Variants in THEMIS2 observed in about 807,000 individuals in gnomAD.
THEMIS2 encodes protein THEMIS2.
In THEMIS2, 29 loss-of-function variants were observed where a neutral mutation model predicts 46.8. The ratio of observed to expected loss-of-function variants is 0.62; its 90% CI spans 0.46 to 0.84. The LOEUF is 0.84. THEMIS2 is among the 40% of genes least tolerant of loss of function. The pLI, the probability that THEMIS2 is intolerant of heterozygous loss-of-function variation, is 0.00. For missense variants in THEMIS2, 698 were observed against 834.7 expected, an observed-to-expected ratio of 0.84 and a Z score of 2.02; for synonymous variants, 335 against 349.1, an observed-to-expected ratio of 0.96 and a Z score of 0.45.
intron 2 of THEMIS2, among the ~76,000 whole-genome samples, chr1:27,879,067 A>G (rs1396962509): frequency 6.7e-6 from 1 of 149,840 alleles, no homozygotes; most frequent in Non-Finnish European, 1.5e-5. Flanking sequence ...AAGCGGTATC[A>G]TGTCTGGAAG....
intron 5 of THEMIS2, among the ~76,000 whole-genome samples, 186 bp from the exon 6 acceptor site, chr1:27,885,681 T>C (rs529216604): frequency 2.3e-4 from 35 of 152,232 alleles, no homozygotes; most frequent in African/African-American, 5.3e-4. Flanking sequence ...CTACCCTCCC[T>C]GCAGCATACA....
At chr1:27,877,471 G>A (rs1430431104) in intron 2 of THEMIS2, among the ~76,000 whole-genome samples, 5 of 151,918 alleles carry the variant, frequency 3.3e-5, no homozygotes, top group Admixed American at 1.3e-4. Flanking sequence ...GACTACAGGC[G>A]CCCGCCACCA....
Position 27,882,004 on chromosome 1 carries a change from T to C in THEMIS2, c.680T>C (p.Leu227Pro). 6.2e-7 allele frequency: 1 copy of C among 1,614,066 alleles called. No individual in the cohort carries two copies. The highest frequency in any genetic ancestry group is 8.5e-7 in the Non-Finnish European group (1 of 1,179,974). Residue 227 changes from leucine (L) to proline (P), a missense_variant, in exon 4 of 6, where the codon CTG (leucine) becomes CCG (proline). Coordinates refer to ENST00000373921, the MANE Select transcript of THEMIS2 (RefSeq NM_001105556.3). The surrounding 1 kb of genome is among the most constrained non-coding windows in gnomAD (Gnocchi z 7.6). ...RRTIVKIPST[L>P]EVDVEDVTAS... ...ACCATTGTCAAGATCCCTTCTACCC[T>C]GGAGGTCGACGTGGAGGACGTCACC...
At chr1:27,875,850 G>A (rs1036302459) in intron 1 of THEMIS2, among the ~76,000 whole-genome samples, 25 of 152,030 alleles carry the variant, frequency 1.6e-4, no homozygotes, top group South Asian at 1.2e-3. Flanking sequence ...ACAGGTGCCC[G>A]CCACCATGCC....
chr1:27,882,595 T>C lies in THEMIS2; in HGVS notation c.1271T>C (p.Phe424Ser), dbSNP rs951313184. Residue 424 changes from phenylalanine to serine, a missense_variant, in exon 4 of 6, where the codon TTC becomes TCC. Coordinates refer to ENST00000373921, the MANE Select transcript of THEMIS2 (RefSeq NM_001105556.3). The surrounding 1 kb of genome is among the most constrained non-coding windows in gnomAD (Gnocchi z 7.6). Reference sequence around the variant, plus strand: ...AGCCCAGAGCGGGTCCTGCTGCCCTTCCACTTCCCTGGCAGTTTCGTGGAG... The same window carrying C: ...AGCCCAGAGCGGGTCCTGCTGCCCTCCCACTTCCCTGGCAGTTTCGTGGAG... Reference protein sequence around the residue: ...AESPERVLLPFHFPGSFVEEM... With the variant: ...AESPERVLLPSHFPGSFVEEM... 1.2e-6 allele frequency: 2 copies of C among 1,614,100 alleles called. No homozygotes were observed. Among genetic ancestry groups the C allele is most frequent in the Admixed American group, 3.3e-5 (2 of 60,016 alleles).
intron 3 of THEMIS2, among the ~76,000 whole-genome samples, chr1:27,881,232 C>T (rs1002545724): frequency 3.3e-5 from 5 of 151,614 alleles, no homozygotes; most frequent in African/African-American, 7.3e-5. Context: ...AGGTGGATCA[C>T]GAGGTCAGGA....
intron 4 of THEMIS2, chr1:27,883,890 A>T (rs967743805): frequency 1.1e-4 from 17 of 152,262 alleles, no homozygotes; most frequent in African/African-American, 2.7e-4. Context: ...TACCTGCTCC[A>T]AGGCCAGAGA....
intron 1 of THEMIS2, among the ~76,000 whole-genome samples, chr1:27,873,941 G>A (rs2089532355): frequency 6.6e-6 from 1 of 152,036 alleles, no homozygotes; most frequent in African/African-American, 2.4e-5. Context: ...ATGCCAATAG[G>A]GGCAGGCGTC....
intron 1 of THEMIS2, among the ~76,000 whole-genome samples, chr1:27,873,259 G>A (rs903058556): frequency 3.3e-5 from 5 of 152,286 alleles, no homozygotes; most frequent in African/African-American, 1.2e-4. Context: ...CAGCGGCCTG[G>A]TTCACAGGGA....
chr1:27,876,536 GC>G, intron 1 of THEMIS2, 51 bp from the exon 2 acceptor site: 2 of 1,594,560 alleles, frequency 1.3e-6, no homozygotes, highest in South Asian at 1.1e-5. Flanking sequence ...GGCACAGGCT[GC>G]CCAGCACTTG....
chr1:27,878,593 A>G (rs576369025), intron 2 of THEMIS2, among the ~76,000 whole-genome samples: 4 of 104,752 alleles, frequency 3.8e-5, no homozygotes, highest in East Asian at 2.9e-4. Context: ...GTATTACTAT[A>G]TGTGTATATA....
chr1:27,880,134 C>A, intron 3 of THEMIS2, 80 bp downstream of exon 3: 1 of 1,424,598 alleles, frequency 7.0e-7, no homozygotes, highest in South Asian at 1.4e-5. Flanking sequence ...TGATGGAAGA[C>A]ACCCCCACCC....
At chr1:27,873,105 T>A (rs1483492342) in intron 1 of THEMIS2, among the ~76,000 whole-genome samples, 1 of 152,138 alleles carries the variant, frequency 6.6e-6, no homozygotes, top group Non-Finnish European at 1.5e-5. Flanking sequence ...CTTCAGTCCC[T>A]GCGTCCACCT....
In THEMIS2 at chr1:27,886,209, AC is replaced by A; in HGVS notation, c.*291del. ...TGGCAGGGTTCCTCTCAATCCTGCA[AC>A]CCCAGCTGTCCCACCGGTGGATGCA... On this transcript the variant is annotated 3_prime_UTR_variant, in exon 6 of 6. Transcript: ENST00000373921. 1.4e-5 allele frequency: 6 copies of A among 438,488 alleles called. No individual in the cohort carries two copies. The Middle Eastern group carries it at 1.9e-3, about 136-fold the overall frequency. The allele number at this position is 438,488 out of a possible 1,614,324, so 27.2% of individuals were successfully genotyped here.
Position 27,876,351 on chromosome 1 carries a change from A to C in THEMIS2, c.95-237A>C, listed in dbSNP as rs576499730. Among the ~76,000 whole-genome samples the C allele has an allele frequency of 3.1e-3, 472 of 152,090 alleles. 5 individuals are homozygous for C. The highest frequency in any genetic ancestry group is 0.011 in the African/African-American group (445 of 41,476). Reference sequence around the variant, plus strand: ...TGAACTCAGTGGAGGAGGCACGGGGATGTGAAAAAGGCCAGAGAAGTGTGC... The same window carrying C: ...TGAACTCAGTGGAGGAGGCACGGGGCTGTGAAAAAGGCCAGAGAAGTGTGC... On this transcript the variant is annotated intron_variant, in intron 1 of 5. Transcript: ENST00000373921.
chr1:27,873,090 C>T (rs1197868167), intron 1 of THEMIS2, among the ~76,000 whole-genome samples: 1 of 152,268 alleles, frequency 6.6e-6, no homozygotes, highest in African/African-American at 2.4e-5. Context: ...CTCTACACTG[C>T]CTTCCTTCAG....
rs767143904 is a variant in THEMIS2 at position 27,882,925 on chromosome 1, C to T, written c.1601C>T (p.Thr534Ile). Residue 534 changes from threonine (T) to isoleucine (I), a missense_variant, in exon 4 of 6, where the codon ACC becomes ATC. By Grantham distance (89) the Thr-to-Ile change is moderately conservative. Coordinates refer to ENST00000373921, the MANE Select transcript of THEMIS2 (RefSeq NM_001105556.3). This position sits in a 1 kb window ranked among gnomAD's most constrained non-coding sequence, Gnocchi z 7.6. ...GCCACAGTGGAGGAGCTGACAGACA[C>T]CTTCTATTATCGTCTTCGGAAGTTA... ...PIATVEELTD[T>I]FYYRLRKLPA... is the part of the protein sequence containing the mutation. The T allele has an allele frequency of 1.9e-6, 3 of 1,613,796 alleles. No homozygotes were observed. The highest frequency in any genetic ancestry group is 1.3e-5 in the African/African-American group (1 of 74,810).
intron 5 of THEMIS2, 120 bp from the exon 6 acceptor site, chr1:27,885,743 GGCTA>G: frequency 1.0e-6 from 1 of 959,194 alleles, no homozygotes; most frequent in Non-Finnish European, 1.6e-6. Flanking sequence ...GTGGTTTCTA[GGCTA>G]GCAAAGACCG....
chr1:27,873,259 G>T (rs903058556), intron 1 of THEMIS2, among the ~76,000 whole-genome samples: 3 of 152,168 alleles, frequency 2.0e-5, no homozygotes, highest in Non-Finnish European at 4.4e-5. Context: ...CAGCGGCCTG[G>T]TTCACAGGGA....
Sources: allele counts gnomAD v4.1 joint callset (sites outside exome capture counted in the v4.1 genomes callset), GRCh38; gene constraint gnomAD v4.1.1; non-coding constraint Gnocchi (gnomAD v3.1); transcripts MANE v1.5; gene names NCBI Gene and HGNC (gene_info 2026-07-23, HGNC 2026-07-21).